The following PCNX2 variants were observed in gnomAD, a reference collection of about 807,000 sequenced individuals.
PCNX2 encodes the protein pecanex-like protein 2.
Under a neutral mutation model 223.8 loss-of-function variants are expected in PCNX2, and 168 were observed. The observed-to-expected ratio is 0.75, with a 90% CI of 0.66 to 0.85. The LOEUF (loss-of-function observed/expected upper bound fraction) is 0.85, where lower values mean the gene tolerates loss of function less well. Among genes scored for constraint, PCNX2 ranks in the 40% least tolerant of loss-of-function variants. PCNX2 has a pLI of 0.00. For missense variants in PCNX2, 2,507 were observed against 2,675.5 expected (o/e 0.94, Z 1.39); for synonymous variants, 1,006 against 1,052.6 (o/e 0.96, Z 0.86).
the PCNX2 span, among the ~76,000 whole-genome samples, chr1:233,301,468 CAT>C: frequency 6.6e-6 from 1 of 152,160 alleles, no homozygotes; most frequent in African/African-American, 2.4e-5. Flanking sequence ...CAGATAAAGA[CAT>C]GACAGGAAAC....
At chr1:233,070,258 G>C (rs56004731) in intron 23 of PCNX2, among the ~76,000 whole-genome samples, 16,019 of 149,588 alleles carry the variant, frequency 0.11, 935 homozygotes, top group East Asian at 0.16. Flanking sequence ...AGCTCTGAAG[G>C]CTTCACTGAA....
chr1:233,171,749 G>A, intron 17 of PCNX2, among the ~76,000 whole-genome samples: 1 of 152,102 alleles, frequency 6.6e-6, no homozygotes, highest in East Asian at 1.9e-4. Context: ...TAAACTCTCA[G>A]ATATTATCTC....
upstream of PCNX2, chr1:233,295,873 T>G (rs1386440760): frequency 5.1e-6 from 1 of 197,388 alleles, no homozygotes; most frequent in African/African-American, 2.3e-5. The surrounding 1 kb of genome is among the most constrained non-coding windows in gnomAD (Gnocchi z 4.1). Context: ...TCTCTTTCTC[T>G]TTTTCTCTCT....
chr1:233,032,879 C>G (rs1254357245), intron 25 of PCNX2: 3 of 678,916 alleles, frequency 4.4e-6, no homozygotes, highest in Non-Finnish European at 5.5e-6. Context: ...CTTGGGTAAT[C>G]TGCTCTTAGG....
At chr1:233,026,555 C>T (rs564144596) in intron 25 of PCNX2, among the ~76,000 whole-genome samples, 1 of 152,176 alleles carries the variant, frequency 6.6e-6, no homozygotes, top group Non-Finnish European at 1.5e-5. Context: ...GTTAGTGAAC[C>T]CAGATGCAAG....
At chr1:233,073,858 G>A (rs191012343) in intron 23 of PCNX2, among the ~76,000 whole-genome samples, 1 of 152,256 alleles carries the variant, frequency 6.6e-6, no homozygotes, top group Admixed American at 6.5e-5. Flanking sequence ...GACCTCGAGT[G>A]ATCATTCTGT....
At chr1:233,207,538 G>A (rs928812428) in intron 13 of PCNX2, among the ~76,000 whole-genome samples, 3 of 152,186 alleles carry the variant, frequency 2.0e-5, no homozygotes, top group African/African-American at 7.2e-5. Flanking sequence ...TTGCATAAAA[G>A]GGACAACAAC....
intron 25 of PCNX2, among the ~76,000 whole-genome samples, chr1:233,040,571 C>T (rs909296322): frequency 6.6e-6 from 1 of 152,176 alleles, no homozygotes; most frequent in Non-Finnish European, 1.5e-5. Flanking sequence ...CATTGATGCT[C>T]TCAGACCATT....
chr1:233,107,031 G>A (rs149451590), intron 21 of PCNX2, among the ~76,000 whole-genome samples: 234 of 151,514 alleles, frequency 1.5e-3, no homozygotes, highest in African/African-American at 5.3e-3. Context: ...ATAATAATAC[G>A]AGTTAACTTA....
chr1:233,063,229 C>G (rs921507510), intron 23 of PCNX2, among the ~76,000 whole-genome samples: 19 of 150,746 alleles, frequency 1.3e-4, no homozygotes, highest in Middle Eastern at 3.2e-3. Flanking sequence ...GAGCAAGACT[C>G]TGTCTTCAAC....
intron 10 of PCNX2, among the ~76,000 whole-genome samples, chr1:233,225,109 G>GTT (rs34054702): frequency 1.7e-5 from 1 of 59,020 alleles, no homozygotes; most frequent in Non-Finnish European, 2.8e-5. Flanking sequence ...CAGAACTAAA[G>GTT]TAAAAAAAAA....
chr1:233,122,719 C>T (rs1270323831), intron 21 of PCNX2, among the ~76,000 whole-genome samples: 1 of 151,914 alleles, frequency 6.6e-6, no homozygotes. Context: ...GACGGGGTTC[C>T]ACCATGTTGG....
chr1:233,118,378 T>C (rs981148854), intron 21 of PCNX2, among the ~76,000 whole-genome samples: 2 of 150,806 alleles, frequency 1.3e-5, no homozygotes, highest in Admixed American at 6.7e-5. Context: ...TGTTAGCTAG[T>C]GCAATAAGAC....
At chr1:233,026,844 A>G (rs991396813) in intron 25 of PCNX2, among the ~76,000 whole-genome samples, 10 of 152,186 alleles carry the variant, frequency 6.6e-5, no homozygotes, top group African/African-American at 2.4e-4. Flanking sequence ...TTAAGTGCCT[A>G]ATATATCAAA....
chr1:233,227,489 A>T, intron 9 of PCNX2, 118 bp from the exon 10 acceptor site: 1 of 932,534 alleles, frequency 1.1e-6, no homozygotes, highest in Non-Finnish European at 1.4e-6. Context: ...ATAATTTAAA[A>T]ATACAAAAAG....
chr1:233,291,875 C>T, intron 1 of PCNX2: 40 of 985,088 alleles, frequency 4.1e-5, no homozygotes, highest in Non-Finnish European at 4.7e-5. Flanking sequence ...TGACATGAGG[C>T]TAGTGCTCTC....
chr1:233,046,972 T>A (rs917351646), intron 25 of PCNX2, among the ~76,000 whole-genome samples: 1 of 152,168 alleles, frequency 6.6e-6, no homozygotes, highest in African/African-American at 2.4e-5. Context: ...GCTGTAAGAA[T>A]CCTTGAAGTG....
At chr1:233,227,484 T>C in intron 9 of PCNX2, 113 bp from the exon 10 acceptor site, 1 of 956,340 alleles carries the variant, frequency 1.0e-6, no homozygotes, top group Non-Finnish European at 1.4e-6. Context: ...ACACCATAAT[T>C]TAAAAATACA....
intron 1 of PCNX2, among the ~76,000 whole-genome samples, chr1:233,293,142 T>C (rs1269021895): frequency 6.6e-6 from 1 of 152,314 alleles, no homozygotes; most frequent in East Asian, 1.9e-4. Flanking sequence ...TACGTAGACA[T>C]CAAATCTTAA....
Sources: gnomAD v4.1 joint callset for allele counts (sites outside exome capture counted in the v4.1 genomes callset) on GRCh38, gnomAD v4.1.1 for gene constraint, Gnocchi (gnomAD v3.1) non-coding constraint, MANE v1.5 for transcripts, NCBI Gene and HGNC (gene_info 2026-07-23, HGNC 2026-07-21) for gene names.